Variants in ABCC4 observed in about 807,000 individuals in gnomAD.
The protein encoded by ABCC4 is ATP binding cassette subfamily C member 4 (PEL blood group).
In ABCC4, 102 loss-of-function variants were observed where a neutral mutation model predicts 168.5. The observed-to-expected ratio is 0.61, with a 90% CI of 0.52 to 0.71. The LOEUF is 0.71. Ranked by LOEUF, ABCC4 falls within the 30% of genes least tolerant of loss-of-function variation. The pLI is 0.00. For synonymous variants in ABCC4, 617 were observed against 590.7 expected, an observed-to-expected ratio of 1.04 and a Z score of -0.65; for missense variants, 1,402 against 1,605.8, an observed-to-expected ratio of 0.87 and a Z score of 2.17.
At chr13:95,053,753 G>A (rs1183292909) in intron 26 of ABCC4, 1 of 155,656 alleles carries the variant, frequency 6.4e-6, no homozygotes, top group Non-Finnish European at 1.4e-5. Context: ...GAGGCGGGTG[G>A]ATCACCTGAG....
At chr13:95,059,312 G>A (rs563963680) in intron 26 of ABCC4, among the ~76,000 whole-genome samples, 1 of 152,332 alleles carries the variant, frequency 6.6e-6, no homozygotes, top group African/African-American at 2.4e-5. Context: ...ATTGCTGTGA[G>A]GACGAAGTGG....
At chr13:95,075,645 C>T (rs1473842075) in intron 21 of ABCC4, 94 bp from the exon 22 acceptor site, 2 of 1,529,028 alleles carry the variant, frequency 1.3e-6, no homozygotes, top group Non-Finnish European at 1.8e-6. Flanking sequence ...CACCAAACAG[C>T]ACACGCAGGC....
chr13:95,105,775 G>A (rs550439048), intron 20 of ABCC4, among the ~76,000 whole-genome samples: 1 of 152,278 alleles, frequency 6.6e-6, no homozygotes, highest in African/African-American at 2.4e-5. Context: ...TTGGAATGGA[G>A]TGATCTGCTG....
intron 19 of ABCC4, among the ~76,000 whole-genome samples, chr13:95,157,108 A>ACACACACACACACACT (rs2036890655): frequency 1.4e-5 from 2 of 146,236 alleles, no homozygotes; most frequent in Admixed American, 1.3e-4. Flanking sequence ...ACACACACAC[A>ACACACACACACACACT]CACACACACA....
intron 1 of ABCC4, among the ~76,000 whole-genome samples, chr13:95,253,874 C>T (rs1284751962): frequency 1.3e-5 from 2 of 152,054 alleles, no homozygotes; most frequent in Non-Finnish European, 2.9e-5. Flanking sequence ...TACTCTCATG[C>T]AAATTTTTGT....
chr13:95,119,910 A>G (rs1422152229), intron 19 of ABCC4, among the ~76,000 whole-genome samples: 2 of 152,176 alleles, frequency 1.3e-5, no homozygotes, highest in Non-Finnish European at 2.9e-5. Flanking sequence ...TTATGCCCCC[A>G]CTAAGATCCC....
At chr13:95,132,216 T>G (rs1031780808) in intron 19 of ABCC4, among the ~76,000 whole-genome samples, 2 of 152,156 alleles carry the variant, frequency 1.3e-5, no homozygotes, top group East Asian at 1.9e-4. Flanking sequence ...AATTTTATTT[T>G]TTATTTGTTT....
intron 20 of ABCC4, among the ~76,000 whole-genome samples, chr13:95,105,217 A>G (rs1385727802): frequency 6.6e-6 from 1 of 151,958 alleles, no homozygotes; most frequent in Non-Finnish European, 1.5e-5. Flanking sequence ...TCGTGCTCCT[A>G]TGAGAATCTA....
chr13:95,199,405 C>T (rs1220072215), intron 8 of ABCC4, among the ~76,000 whole-genome samples: 1 of 152,192 alleles, frequency 6.6e-6, no homozygotes, highest in Non-Finnish European at 1.5e-5. Context: ...GGAAAGGAGG[C>T]GGAACCAGGC....
In ABCC4 at chr13:95,021,537, A is replaced by C. The variant is rs3742106; in HGVS notation, c.*38T>G. 594,242 of 1,474,528 alleles carry C rather than the reference A, an allele frequency of 0.4. 121,508 individuals are homozygous for C. Among genetic ancestry groups the C allele is most frequent in the East Asian group, 0.5 (21,991 of 44,164 alleles). The allele number at this position is 1,474,528 out of a possible 1,614,324, so 91.3% of individuals were successfully genotyped here. On this transcript the variant is annotated 3_prime_UTR_variant, in exon 31 of 31. Coordinates refer to ENST00000645237, the MANE Select transcript of ABCC4 (RefSeq NM_005845.5). ...GTTTACATAGTCCAAAAACTAGTGG[A>C]AAATGCCTTCGGAACGGACTTGACA...
chr13:95,168,699 A>G (rs2037367560), intron 14 of ABCC4, among the ~76,000 whole-genome samples: 1 of 152,210 alleles, frequency 6.6e-6, no homozygotes. Flanking sequence ...GGCCTGGAAC[A>G]GAGAAGGGTT....
At chr13:95,247,219 C>A in intron 2 of ABCC4, 124 bp from the exon 3 acceptor site, 5 of 1,093,846 alleles carry the variant, frequency 4.6e-6, no homozygotes, top group Non-Finnish European at 6.6e-6. Context: ...ATAAATGCTA[C>A]TAATTGCTCC....
At chr13:95,246,411 G>A (rs1228570870) in intron 3 of ABCC4, among the ~76,000 whole-genome samples, 1 of 152,200 alleles carries the variant, frequency 6.6e-6, no homozygotes, top group East Asian at 1.9e-4. Context: ...AGCCTCTGGG[G>A]CACCACCGCC....
intron 15 of ABCC4, among the ~76,000 whole-genome samples, chr13:95,165,161 C>T (rs1490448796): frequency 2.0e-5 from 3 of 152,122 alleles, no homozygotes; most frequent in Non-Finnish European, 2.9e-5. Context: ...AAACTTGTTC[C>T]AAAATCATAT....
intron 25 of ABCC4, among the ~76,000 whole-genome samples, chr13:95,066,664 G>A (rs1317637536): frequency 2.0e-5 from 3 of 152,140 alleles, no homozygotes; most frequent in Admixed American, 1.3e-4. Flanking sequence ...GAGAAAAATC[G>A]AGGCTTAGTA....
intron 1 of ABCC4, among the ~76,000 whole-genome samples, chr13:95,264,442 G>A (rs2040614482): frequency 6.6e-6 from 1 of 152,218 alleles, no homozygotes; most frequent in Admixed American, 6.5e-5. Flanking sequence ...AAACGTGGCA[G>A]ACAAGACCTT....
chr13:95,131,797 C>G (rs1323108313), intron 19 of ABCC4, among the ~76,000 whole-genome samples: 1 of 151,978 alleles, frequency 6.6e-6, no homozygotes, highest in African/African-American at 2.4e-5. Context: ...CCAGAAAATA[C>G]CAAGTGTTGG....
intron 1 of ABCC4, among the ~76,000 whole-genome samples, chr13:95,248,143 A>T (rs2040158755): frequency 6.6e-6 from 1 of 152,228 alleles, no homozygotes; most frequent in African/African-American, 2.4e-5. Flanking sequence ...TCAAGGAATC[A>T]AGAGGATGGG....
intron 26 of ABCC4, among the ~76,000 whole-genome samples, chr13:95,061,420 G>C (rs1359432411): frequency 6.6e-6 from 1 of 152,122 alleles, no homozygotes; most frequent in Non-Finnish European, 1.5e-5. Flanking sequence ...AGCCATAACT[G>C]TACTTGGTCT....
Sources: allele counts gnomAD v4.1 joint callset (sites outside exome capture counted in the v4.1 genomes callset), GRCh38; gene constraint gnomAD v4.1.1; transcripts MANE v1.5; gene names NCBI Gene and HGNC (gene_info 2026-07-23, HGNC 2026-07-21).